NUP160: variants seen among roughly 807,000 people sequenced by gnomAD.
NUP160 encodes the protein nuclear pore complex protein Nup160.
In NUP160, 94 loss-of-function variants were observed where a neutral mutation model predicts 196.9. That is an observed-to-expected ratio of 0.48 (90% CI 0.40 to 0.57). The LOEUF (loss-of-function observed/expected upper bound fraction) is 0.57, where lower values mean the gene tolerates loss of function less well. NUP160 is among the 20% of genes least tolerant of loss of function. The pLI is 0.00. For missense variants in NUP160, 1,638 were observed against 1,748.3 expected (o/e 0.94, Z 1.13); for synonymous variants, 605 against 619.7 (o/e 0.98, Z 0.35).
chr11:47,803,469 C>T (rs749903808), exon 22 of NUP160: 1 of 1,611,086 alleles, frequency 6.2e-7, no homozygotes, highest in Admixed American at 1.7e-5. Flanking sequence ...TAGGTAACAC[C>T]TTCCCAGCAT....
At chr11:47,798,071 T>C (rs750163593) in exon 26 of NUP160, 4 of 1,575,948 alleles carry the variant, frequency 2.5e-6, no homozygotes, top group Admixed American at 3.6e-5. Flanking sequence ...AACAATCTAA[T>C]TGCCTAGAAG....
intron 14 of NUP160, 111 bp downstream of exon 14, chr11:47,813,205 G>A: frequency 5.0e-6 from 5 of 1,006,744 alleles, no homozygotes; most frequent in African/African-American, 1.6e-5. Context: ...TTGTGGTGTG[G>A]TAAAGTGACC....
chr11:47,841,398 C>T (rs1803916653), intron 2 of NUP160: 4 of 460,190 alleles, frequency 8.7e-6, no homozygotes, highest in Middle Eastern at 3.3e-4. Flanking sequence ...CAATCCTGAC[C>T]AACCGCTCAG....
chr11:47,847,353 T>G (rs908512721), intron 2 of NUP160, among the ~76,000 whole-genome samples: 7 of 152,162 alleles, frequency 4.6e-5, no homozygotes, highest in African/African-American at 1.7e-4. Context: ...CCGTATATTT[T>G]TCCTCTAGGG....
chr11:47,829,550 A>G (rs1021245224), intron 7 of NUP160, among the ~76,000 whole-genome samples: 1 of 152,098 alleles, frequency 6.6e-6, no homozygotes, highest in Non-Finnish European at 1.5e-5. Context: ...CAAGTGATCT[A>G]CCCACCTTGG....
intron 33 of NUP160, 144 bp from the exon 34 acceptor site, chr11:47,783,342 A>T (rs1159905683): frequency 2.8e-6 from 3 of 1,074,604 alleles, no homozygotes; most frequent in Admixed American, 5.7e-5. Flanking sequence ...TCTGTATCTT[A>T]GGATAAGAGC....
At chr11:47,803,824 A>G (rs1362092234) in intron 21 of NUP160, among the ~76,000 whole-genome samples, 1 of 152,130 alleles carries the variant, frequency 6.6e-6, no homozygotes, top group African/African-American at 2.4e-5. Flanking sequence ...CCAGTAAAGG[A>G]TTTATATGAA....
intron 27 of NUP160, among the ~76,000 whole-genome samples, chr11:47,793,751 T>G (rs1325781885): frequency 4.8e-5 from 4 of 82,502 alleles, no homozygotes; most frequent in Admixed American, 1.4e-4. Context: ...TTTTTTTTTT[T>G]TTTTTTGAGA....
chr11:47,844,337 A>C (rs1852360786), intron 2 of NUP160, among the ~76,000 whole-genome samples: 1 of 152,158 alleles, frequency 6.6e-6, no homozygotes, highest in Admixed American at 6.6e-5. Flanking sequence ...CCTCCACTTT[A>C]ACCTTCCACA....
chr11:47,791,636 C>T (rs903745027), intron 29 of NUP160, among the ~76,000 whole-genome samples: 3 of 152,114 alleles, frequency 2.0e-5, no homozygotes, highest in African/African-American at 4.8e-5. Context: ...CCACCACACC[C>T]GGCTTCCTTA....
chr11:47,840,200 T>C, intron 3 of NUP160, 135 bp from the exon 4 acceptor site: 1 of 851,760 alleles, frequency 1.2e-6, no homozygotes, highest in African/African-American at 1.7e-5. Flanking sequence ...TAATGAAAAC[T>C]AATTCTCAAC....
chr11:47,830,170 C>T (rs1236888097), intron 7 of NUP160, among the ~76,000 whole-genome samples: 3 of 152,150 alleles, frequency 2.0e-5, no homozygotes, highest in East Asian at 1.9e-4. Context: ...GAGATACCAT[C>T]GCACAGCAGT....
intron 11 of NUP160, among the ~76,000 whole-genome samples, chr11:47,816,510 C>T (rs1348962121): frequency 6.6e-6 from 1 of 152,182 alleles, no homozygotes; most frequent in East Asian, 1.9e-4. Context: ...TGTGGTGGCT[C>T]ATGCCTATAA....
exon 9 of NUP160, chr11:47,821,769 T>C (rs763027016): frequency 6.2e-7 from 1 of 1,614,042 alleles, no homozygotes; most frequent in South Asian, 1.1e-5. Context: ...CTCAGCATCA[T>C]GCCACAGGGC....
At chr11:47,834,677 G>A (rs1331635035) in intron 7 of NUP160, among the ~76,000 whole-genome samples, 1 of 152,084 alleles carries the variant, frequency 6.6e-6, no homozygotes, top group Non-Finnish European at 1.5e-5. Context: ...AGAGAACATC[G>A]GTGCAGGCAT....
At chr11:47,802,214 C>T (rs886826683) in intron 22 of NUP160, among the ~76,000 whole-genome samples, 1 of 152,034 alleles carries the variant, frequency 6.6e-6, no homozygotes, top group Non-Finnish European at 1.5e-5. Flanking sequence ...GGGTGGATCA[C>T]GAGGTGAGGA....
exon 28 of NUP160, chr11:47,792,823 T>C (rs1405949429): frequency 6.2e-7 from 1 of 1,614,136 alleles, no homozygotes; most frequent in African/African-American, 1.3e-5. Context: ...CCACGCATAT[T>C]CTGGACGAAT....
intron 18 of NUP160, 54 bp from the exon 19 acceptor site, chr11:47,807,194 C>G (rs2097678228): frequency 9.4e-7 from 1 of 1,064,492 alleles, no homozygotes; most frequent in African/African-American, 1.6e-5. Flanking sequence ...CTAAACATTA[C>G]TTCTACAAGC....
intron 7 of NUP160, chr11:47,826,935 A>C: frequency 2.4e-6 from 1 of 422,918 alleles, no homozygotes; most frequent in Non-Finnish European, 4.7e-6. Context: ...AATGATGCAA[A>C]ATCAGTGGTG....
Sources: allele counts gnomAD v4.1 joint callset (sites outside exome capture counted in the v4.1 genomes callset), GRCh38; gene constraint gnomAD v4.1.1; transcripts MANE v1.5; gene names NCBI Gene and HGNC (gene_info 2026-07-23, HGNC 2026-07-21).